Variants in WDR37 observed in about 807,000 individuals in gnomAD.
WDR37 encodes WD repeat domain 37.
WDR37 carries 19 observed loss-of-function variants against 62.9 expected under a neutral mutation model. The observed-to-expected ratio is 0.30, with a 90% CI of 0.21 to 0.44. WDR37 has a LOEUF of 0.44. Ranked by LOEUF, WDR37 falls within the 20% of genes least tolerant of loss-of-function variation. The pLI, the probability that WDR37 is intolerant of heterozygous loss-of-function variation, is 1.00. For missense variants in WDR37, 474 were observed against 657.6 expected, an observed-to-expected ratio of 0.72 and a Z score of 3.05; for synonymous variants, 250 against 260.9, an observed-to-expected ratio of 0.96 and a Z score of 0.40.
intron 9 of WDR37, among the ~76,000 whole-genome samples, chr10:1,099,584 G>A (rs1275453608): frequency 6.6e-6 from 1 of 152,212 alleles, no homozygotes; most frequent in Non-Finnish European, 1.5e-5. Flanking sequence ...TATTAACACA[G>A]TTTTGTTCTC....
At chr10:1,070,674 G>T (rs1308174158) in intron 1 of WDR37, among the ~76,000 whole-genome samples, 1 of 152,110 alleles carries the variant, frequency 6.6e-6, no homozygotes, top group Admixed American at 6.5e-5. Context: ...GAATAGGAAA[G>T]ATCTTGTTTA....
chr10:1,086,789 ACGTAGTTAACGC>A lies in WDR37; in HGVS notation c.604+433_604+444del, dbSNP rs1589094504. Among the ~76,000 whole-genome samples, 2 of 150,364 alleles carry A rather than the reference ACGTAGTTAACGC, an allele frequency of 1.3e-5. 1 individual carries two copies. Among genetic ancestry groups the A allele is most frequent in the East Asian group, 3.9e-4 (2 of 5,078 alleles). ...GCTGTCCACGGAGTGAATGCTGTCC[ACGTAGTTAACGC>A]TGTCCATGTAGTTAGTTAACGCTGT... On this transcript the variant is annotated intron_variant, in intron 7 of 13. Transcript: ENST00000263150.
intron 7 of WDR37, among the ~76,000 whole-genome samples, chr10:1,090,466 GT>G (rs1834348933): frequency 1.3e-5 from 2 of 152,200 alleles, no homozygotes; most frequent in African/African-American, 4.8e-5. Flanking sequence ...GCCTGGAGAT[GT>G]TTTGATCTCT....
chr10:1,063,193 C>T lies in WDR37; in HGVS notation c.-41+6225C>T, dbSNP rs117791271. On this transcript the variant is annotated intron_variant, in intron 1 of 13. Coordinates refer to ENST00000263150, the MANE Select transcript of WDR37 (RefSeq NM_014023.4). Reference sequence around the variant, plus strand: ...TTAGTTCTGTGAGTTTTCTTTTTGCCTCATGTATCTCATATGTTGTGCTGG... The same window carrying T: ...TTAGTTCTGTGAGTTTTCTTTTTGCTTCATGTATCTCATATGTTGTGCTGG... Among the ~76,000 whole-genome samples the T allele has an allele frequency of 3.0e-3, 458 of 152,088 alleles. 1 individual carries two copies. The highest frequency in any genetic ancestry group is 5.1e-3 in the Non-Finnish European group (346 of 67,998).
intron 1 of WDR37, among the ~76,000 whole-genome samples, chr10:1,061,485 T>A (rs1044809620): frequency 6.6e-6 from 1 of 151,934 alleles, no homozygotes; most frequent in African/African-American, 2.4e-5. Flanking sequence ...GACAGACAGG[T>A]TGTAGTCAAA....
chr10:1,092,140 A>G (rs1834412219), intron 7 of WDR37, among the ~76,000 whole-genome samples: 2 of 144,654 alleles, frequency 1.4e-5, no homozygotes, highest in South Asian at 4.6e-4. Flanking sequence ...AGATCGCGCC[A>G]CTGCACTCCA....
intron 13 of WDR37, among the ~76,000 whole-genome samples, chr10:1,126,408 A>AAG (rs1835778895): frequency 6.8e-6 from 1 of 146,166 alleles, no homozygotes; most frequent in Non-Finnish European, 1.5e-5. Context: ...TGTGTCTCAG[A>AAG]AAAAAAAAAA....
intron 13 of WDR37, among the ~76,000 whole-genome samples, chr10:1,128,972 AGTCCATGATCTGTGGCCCATGCACGGTG>A (rs570424402): frequency 0.018 from 2,641 of 147,148 alleles, 79 homozygotes; most frequent in African/African-American, 0.061. Flanking sequence ...GGTGCTCGGC[AGTCCATGATCTGTGGCCCATGCACGGTG>A]GTCCATGATC....
chr10:1,105,313 T>G lies in WDR37; in HGVS notation c.1103+46T>G. ...CATCTGTCCTTAGTCATGAAAAAGTTCTGTGGGTTGACATGAAAACTTAAT... is the reference window on the plus strand; with the variant it reads ...CATCTGTCCTTAGTCATGAAAAAGTGCTGTGGGTTGACATGAAAACTTAAT... On this transcript the variant is annotated intron_variant, in intron 11 of 13. Transcript: ENST00000263150. The surrounding 1 kb of genome is among the most constrained non-coding windows in gnomAD (Gnocchi z 5.3). The G allele has an allele frequency of 6.3e-7, 1 of 1,577,386 alleles. No homozygotes were observed. The highest frequency in any genetic ancestry group is 8.7e-7 in the Non-Finnish European group (1 of 1,154,902).
At chr10:1,107,057 G>A (rs907888261) in intron 11 of WDR37, among the ~76,000 whole-genome samples, 2 of 152,206 alleles carry the variant, frequency 1.3e-5, no homozygotes, top group African/African-American at 2.4e-5. Context: ...GTGGCTGAAC[G>A]CAGCACTGTG....
At chr10:1,092,659 G>A (rs541884292) in intron 7 of WDR37, among the ~76,000 whole-genome samples, 6 of 151,024 alleles carry the variant, frequency 4.0e-5, no homozygotes, top group South Asian at 4.2e-4. Flanking sequence ...CGTCTGGCCC[G>A]ACCCTGTCTT....
At chr10:1,106,737 G>C (rs1405819786) in intron 11 of WDR37, among the ~76,000 whole-genome samples, 1 of 152,096 alleles carries the variant, frequency 6.6e-6, no homozygotes, top group Non-Finnish European at 1.5e-5. Flanking sequence ...GGCTGGTCTT[G>C]AACTCCTAAC....
chr10:1,099,158 C>G (rs954500082), intron 9 of WDR37, among the ~76,000 whole-genome samples: 1 of 152,230 alleles, frequency 6.6e-6, no homozygotes, highest in Non-Finnish European at 1.5e-5. Flanking sequence ...CTTGTGCTCT[C>G]TGCAGTAGCC....
Position 1,129,328 on chromosome 10 carries a change from T to C in WDR37, c.1469T>C (p.Leu490Ser). Reference protein sequence around the residue: ...AIGWNINIPALLQEK With the variant: ...AIGWNINIPASLQEK ...GGTTGGAACATCAACATCCCTGCAT[T>C]GCTACAAGAAAAATAAGGACACCGG... The change falls in exon 14 of 14, where the codon TTG becomes TCG. Residue 490 changes from leucine (L) to serine (S), a missense_variant. Leu to Ser is a moderately radical substitution (Grantham distance 145). Coordinates refer to ENST00000263150, the MANE Select transcript of WDR37 (RefSeq NM_014023.4). 6.2e-7 allele frequency: 1 copy of C among 1,614,092 alleles called. No individual in the cohort carries two copies. The highest frequency in any genetic ancestry group is 1.7e-5 in the Admixed American group (1 of 60,008).
At chr10:1,124,488 C>A in intron 12 of WDR37, 136 bp downstream of exon 12, 3 of 1,257,530 alleles carry the variant, frequency 2.4e-6, no homozygotes, top group Non-Finnish European at 3.3e-6. Flanking sequence ...TCCTCTAATG[C>A]AGTTTCAGTA....
At chr10:1,088,804 A>G (rs1391427397) in intron 7 of WDR37, among the ~76,000 whole-genome samples, 2 of 152,214 alleles carry the variant, frequency 1.3e-5, no homozygotes, top group Non-Finnish European at 2.9e-5. Context: ...TAGGTGTTCA[A>G]CGCAGGGTTG....
intron 13 of WDR37, among the ~76,000 whole-genome samples, chr10:1,126,407 G>A (rs10794723): frequency 0.99 from 145,458 of 147,596 alleles, 71,680 homozygotes; most frequent in Middle Eastern, 1. Context: ...CTGTGTCTCA[G>A]AAAAAAAAAA....
chr10:1,109,712 G>A (rs187303563), intron 11 of WDR37, among the ~76,000 whole-genome samples: 27 of 152,062 alleles, frequency 1.8e-4, no homozygotes, highest in African/African-American at 5.1e-4. Flanking sequence ...TCCAAACTCC[G>A]TCTCAGAAAA....
chr10:1,072,959 T>A (rs956191860), intron 2 of WDR37, among the ~76,000 whole-genome samples: 10 of 152,230 alleles, frequency 6.6e-5, no homozygotes, highest in African/African-American at 2.4e-4. Flanking sequence ...CTCTTTCTGT[T>A]CTCTGAAGAG....
Sources: gnomAD v4.1 joint callset for allele counts (sites outside exome capture counted in the v4.1 genomes callset) on GRCh38, gnomAD v4.1.1 for gene constraint, Gnocchi (gnomAD v3.1) non-coding constraint, MANE v1.5 for transcripts, NCBI Gene and HGNC (gene_info 2026-07-23, HGNC 2026-07-21) for gene names.